POTEJ: variants seen among roughly 807,000 people sequenced by gnomAD.
POTEJ encodes POTE ankyrin domain family, member J.
POTEJ carries 11 observed loss-of-function variants against 69.0 expected under a neutral mutation model. The observed-to-expected ratio is 0.16, with a 90% confidence interval of 0.10 to 0.26. The LOEUF (loss-of-function observed/expected upper bound fraction) is 0.26. POTEJ is among the 10% of genes least tolerant of loss of function. The pLI is 1.00. For synonymous variants in POTEJ, 117 were observed against 381.1 expected (o/e 0.31, Z 8.07); for missense variants, 327 against 1,045.5 (o/e 0.31, Z 9.48).
intron 9 of POTEJ, among the ~76,000 whole-genome samples, chr2:130,636,878 G>A (rs1423874531): frequency 6.8e-6 from 1 of 147,206 alleles, no homozygotes; most frequent in Non-Finnish European, 1.5e-5. Flanking sequence ...GGATCACGAG[G>A]TCAGGAGATC....
chr2:130,650,600 C>G (rs1686774761), intron 13 of POTEJ, among the ~76,000 whole-genome samples: 1 of 145,548 alleles, frequency 6.9e-6, no homozygotes, highest in Non-Finnish European at 1.5e-5. Context: ...AACAATTTTG[C>G]CTGGTAATTA....
chr2:130,634,875 G>A (rs1290503791), intron 9 of POTEJ, among the ~76,000 whole-genome samples: 1 of 152,180 alleles, frequency 6.6e-6, no homozygotes, highest in African/African-American at 2.4e-5. Flanking sequence ...TTCAATTTCA[G>A]CAGTCCTCCA....
chr2:130,656,541 T>A lies in POTEJ; in HGVS notation c.1789-8T>A, dbSNP rs1370081760. The A allele has an allele frequency of 6.2e-7, 1 of 1,607,950 alleles. No homozygotes were observed. The highest frequency in any genetic ancestry group is 2.2e-5 in the East Asian group (1 of 44,896). ...AGTGCTAACTAAAAGTTCTCTTTGT[T>A]TACTTAGCTTTCTCTTAGTTGTAAG... On this transcript the variant is annotated splice_region_variant and splice_polypyrimidine_tract_variant and intron_variant, in intron 14 of 14. Coordinates refer to ENST00000409602, the MANE Select transcript of POTEJ (RefSeq NM_001277083.2).
At chr2:130,646,968 G>A (rs1163604578) in intron 13 of POTEJ, among the ~76,000 whole-genome samples, 1 of 148,662 alleles carries the variant, frequency 6.7e-6, no homozygotes, top group African/African-American at 2.6e-5. Flanking sequence ...AACAGAGTAA[G>A]CATATATAAT....
intron 9 of POTEJ, among the ~76,000 whole-genome samples, chr2:130,633,147 T>G (rs1685968103): frequency 7.0e-6 from 1 of 143,096 alleles, no homozygotes; most frequent in Admixed American, 6.9e-5. Flanking sequence ...TGGCATTTGA[T>G]TTTCTGTTCC....
At chr2:130,625,942 T>A (rs1210678827) in intron 6 of POTEJ, among the ~76,000 whole-genome samples, 100 of 127,206 alleles carry the variant, frequency 7.9e-4, no homozygotes, top group African/African-American at 1.8e-3. Flanking sequence ...TTGGTTGTTC[T>A]TTGATATCCT....
intron 6 of POTEJ, among the ~76,000 whole-genome samples, chr2:130,626,615 A>C (rs1452608006): frequency 6.6e-6 from 1 of 152,172 alleles, no homozygotes; most frequent in African/African-American, 2.4e-5. Flanking sequence ...GGCAGATTGG[A>C]TTTGGCCTGT....
intron 13 of POTEJ, among the ~76,000 whole-genome samples, chr2:130,651,996 T>C (rs2105261806): frequency 7.4e-6 from 1 of 134,534 alleles, no homozygotes; most frequent in South Asian, 2.3e-4. Flanking sequence ...TAGTTTGGCT[T>C]TGTGTTTCTA....
At chr2:130,612,575 A>G (rs1324326129) in intron 1 of POTEJ, among the ~76,000 whole-genome samples, 142 of 152,280 alleles carry the variant, frequency 9.3e-4, no homozygotes, top group Non-Finnish European at 1.1e-3. Context: ...CCTGGCTAAC[A>G]CGGTGAAACC....
chr2:130,615,553 G>A (rs370505055), intron 1 of POTEJ, among the ~76,000 whole-genome samples: 5,578 of 118,492 alleles, frequency 0.047, 704 homozygotes, highest in African/African-American at 0.15. Context: ...GAGCTAAATG[G>A]TGAGAACACA....
intron 9 of POTEJ, among the ~76,000 whole-genome samples, chr2:130,635,395 G>C (rs1355615683): frequency 9.0e-6 from 1 of 110,790 alleles, no homozygotes; most frequent in Non-Finnish European, 1.9e-5. Flanking sequence ...TCAAACTCCT[G>C]ATCTCAGGTG....
intron 13 of POTEJ, among the ~76,000 whole-genome samples, 169 bp downstream of exon 13, chr2:130,646,479 C>A (rs1182591799): frequency 7.5e-6 from 1 of 132,902 alleles, no homozygotes; most frequent in Admixed American, 7.4e-5. Flanking sequence ...GTTTTTTTTC[C>A]AGTCGTTAAT....
intron 1 of POTEJ, among the ~76,000 whole-genome samples, chr2:130,612,906 A>G: frequency 7.4e-6 from 1 of 134,356 alleles, no homozygotes; most frequent in Non-Finnish European, 1.6e-5. Context: ...TTGTAACAGA[A>G]TGGAAAAAGG....
rs1488691690 is a variant in POTEJ, at chr2:130,626,847, C to CT, written c.1015+2719dup. On this transcript the variant is annotated intron_variant, in intron 6 of 14. Transcript: ENST00000409602. ...TGGCCTTTGTTTTTTTGGTGTTATGCTTTTTTCATTTGTTTTGCTTAATTT... is the reference window on the plus strand; with the variant it reads ...TGGCCTTTGTTTTTTTGGTGTTATGCTTTTTTTCATTTGTTTTGCTTAATTT... Among the ~76,000 whole-genome samples the CT allele has an allele frequency of 1.2e-4, 18 of 152,264 alleles. 1 individual carries two copies. The highest frequency in any genetic ancestry group is 4.1e-4 in the African/African-American group (17 of 41,480).
chr2:130,611,353 G>T (rs1268357695), upstream of POTEJ: 161 of 576,806 alleles, frequency 2.8e-4, no homozygotes, highest in Admixed American at 9.9e-5. Context: ...CCCCGGGTGG[G>T]TGTGGGTTTT....
At chr2:130,624,955 A>G (rs1685649421) in intron 6 of POTEJ, among the ~76,000 whole-genome samples, 2 of 151,766 alleles carry the variant, frequency 1.3e-5, no homozygotes, top group Non-Finnish European at 3.0e-5. Context: ...AAAGATTGTC[A>G]TAATAAATAT....
chr2:130,614,713 C>A (rs1178516429), intron 1 of POTEJ, among the ~76,000 whole-genome samples: 1 of 121,886 alleles, frequency 8.2e-6, no homozygotes, highest in Non-Finnish European at 1.7e-5. Context: ...AGTTAAGGTT[C>A]ATTACTAATG....
At chr2:130,638,940 G>C (rs1686216971) in intron 10 of POTEJ, among the ~76,000 whole-genome samples, 1 of 152,224 alleles carries the variant, frequency 6.6e-6, no homozygotes. Flanking sequence ...TCTGCAACTA[G>C]ATGGTCCCTT....
At chr2:130,628,991 G>C (rs1685806846) in intron 6 of POTEJ, among the ~76,000 whole-genome samples, 1 of 150,154 alleles carries the variant, frequency 6.7e-6, no homozygotes, top group African/African-American at 2.5e-5. Flanking sequence ...CTGCACTCCA[G>C]CCTGGTGACA....
Sources: allele counts gnomAD v4.1 joint callset (sites outside exome capture counted in the v4.1 genomes callset), GRCh38; gene constraint gnomAD v4.1.1; transcripts MANE v1.5; gene names NCBI Gene and HGNC (gene_info 2026-07-23, HGNC 2026-07-21).